IL1RAPL2: variants seen among roughly 807,000 people sequenced by gnomAD.
IL1RAPL2 encodes X-linked interleukin-1 receptor accessory protein-like 2.
A neutral mutation model predicts 44.1 loss-of-function variants in IL1RAPL2; 3 were observed. The ratio of observed to expected loss-of-function variants is 0.07; its 90% confidence interval spans 0.03 to 0.18. The LOEUF is 0.18. Ranked by LOEUF, IL1RAPL2 falls within the 10% of genes least tolerant of loss-of-function variation. The probability of loss-of-function intolerance (pLI) is 1.00; values close to 1 mark genes in which losing one functional copy is unlikely to be tolerated. For missense variants in IL1RAPL2, 391 were observed against 496.4 expected (o/e 0.79, Z 2.02); for synonymous variants, 181 against 178.8 (o/e 1.01, Z -0.10).
chrX:105,216,107 C>T (rs1202728284), intron 3 of IL1RAPL2, among the ~76,000 whole-genome samples: 4 of 111,026 alleles, frequency 3.6e-5, no homozygotes, highest in African/African-American at 9.8e-5. Flanking sequence ...AAGTTCTGGC[C>T]AGGGCAATCA....
intron 3 of IL1RAPL2, among the ~76,000 whole-genome samples, chrX:105,217,993 C>T (rs1165723129): frequency 9.0e-6 from 1 of 110,755 alleles, no homozygotes; most frequent in South Asian, 3.9e-4. Context: ...ATATCTAACA[C>T]ATGCGGAGCT....
At chrX:104,653,130 C>T (rs1930184091) in intron 1 of IL1RAPL2, among the ~76,000 whole-genome samples, 3 of 111,171 alleles carry the variant, frequency 2.7e-5, no homozygotes, top group African/African-American at 9.8e-5. Context: ...GGAGGCTTCT[C>T]CAAGCATCTC....
At chrX:105,155,487 G>T (rs2033261419) in intron 2 of IL1RAPL2, among the ~76,000 whole-genome samples, 1 of 111,122 alleles carries the variant, frequency 9.0e-6, no homozygotes, top group Non-Finnish European at 1.9e-5. Context: ...GGAAAAATGA[G>T]GTTGAAAATA....
intron 1 of IL1RAPL2, among the ~76,000 whole-genome samples, chrX:104,606,002 CAG>C (rs1197333105): frequency 9.0e-6 from 1 of 111,589 alleles, no homozygotes; most frequent in Non-Finnish European, 1.9e-5. Context: ...CAAAACCTGG[CAG>C]AGACAACAAT....
At chrX:104,673,662 G>T (rs1163497647) in intron 2 of IL1RAPL2, among the ~76,000 whole-genome samples, 1 of 110,913 alleles carries the variant, frequency 9.0e-6, no homozygotes, top group African/African-American at 3.3e-5. Flanking sequence ...GATGGGGATG[G>T]TATTGAATCT....
chrX:105,226,639 G>A (rs782382273), intron 3 of IL1RAPL2, among the ~76,000 whole-genome samples: 29 of 109,758 alleles, frequency 2.6e-4, no homozygotes, highest in African/African-American at 9.3e-4. Flanking sequence ...CTGTCCACAA[G>A]TGATCCACCC....
At chrX:105,692,260 T>C (rs2038041383) in intron 6 of IL1RAPL2, among the ~76,000 whole-genome samples, 2 of 111,594 alleles carry the variant, frequency 1.8e-5, no homozygotes, top group Admixed American at 1.9e-4. Context: ...CCCACAACTC[T>C]GAGATAGGCA....
chrX:105,135,179 C>A lies in IL1RAPL2; in HGVS notation c.83-60296C>A, dbSNP rs185897920. 3.6e-4 allele frequency among the ~76,000 whole-genome samples: 40 copies of A among 111,159 alleles called. 1 individual carries two copies. Among genetic ancestry groups the A allele is most frequent in the Admixed American group, 3.4e-3 (35 of 10,401 alleles). The stretch of plus-strand genomic sequence containing the variant: ...ATTTAATATGTATGCATTGCCAAAC[C>A]TTGTGGAATATACTAGCATGAGAAA... On this transcript the variant is annotated intron_variant, in intron 2 of 10. Transcript: ENST00000372582.
chrX:105,737,664 C>G (rs889578658), intron 7 of IL1RAPL2, among the ~76,000 whole-genome samples: 5 of 111,369 alleles, frequency 4.5e-5, no homozygotes, highest in African/African-American at 1.6e-4. Flanking sequence ...TATGGCTGCC[C>G]TCCATGTGAA....
At chrX:105,215,867 ATTATCT>A (rs1469597475) in intron 3 of IL1RAPL2, among the ~76,000 whole-genome samples, 1 of 111,839 alleles carries the variant, frequency 8.9e-6, no homozygotes, top group African/African-American at 3.3e-5. Flanking sequence ...AAACCACATG[ATTATCT>A]TAATATACAC....
At chrX:104,961,848 G>C (rs996094880) in intron 2 of IL1RAPL2, among the ~76,000 whole-genome samples, 1 of 112,111 alleles carries the variant, frequency 8.9e-6, no homozygotes, top group African/African-American at 3.2e-5. Flanking sequence ...ATGAATGAAT[G>C]AATGAATGAG....
chrX:105,751,821 TAC>T (rs1377238556), intron 9 of IL1RAPL2, among the ~76,000 whole-genome samples: 1 of 112,291 alleles, frequency 8.9e-6, no homozygotes, highest in Non-Finnish European at 1.9e-5. Context: ...TTTGGAAATC[TAC>T]AGTTACAGAA....
Position 105,118,063 on chromosome X carries a change from A to G in IL1RAPL2, c.83-77412A>G, listed in dbSNP as rs772847507. Among the ~76,000 whole-genome samples the G allele has an allele frequency of 4.4e-5, 5 of 112,516 alleles. No individual in the cohort carries two copies. The South Asian group carries it at 1.8e-3, about 41-fold the overall frequency. On this transcript the variant is annotated intron_variant, in intron 2 of 10. Transcript: ENST00000372582. ...TTGTTGCCTGACAGACTTGAAGTCAATGTTGGACCCATAAACCTCAACAAA... is the reference window on the plus strand; with the variant it reads ...TTGTTGCCTGACAGACTTGAAGTCAGTGTTGGACCCATAAACCTCAACAAA...
intron 2 of IL1RAPL2, among the ~76,000 whole-genome samples, chrX:104,979,670 T>C (rs192458018): frequency 1.2e-4 from 13 of 112,276 alleles, no homozygotes; most frequent in African/African-American, 4.2e-4. Context: ...TAAATGCAGA[T>C]TAAAATGAGT....
chrX:105,665,233 C>G (rs2037750328), intron 6 of IL1RAPL2, among the ~76,000 whole-genome samples: 1 of 111,174 alleles, frequency 9.0e-6, no homozygotes, highest in Admixed American at 9.6e-5. Context: ...TCAGTCAAGC[C>G]ATCAAGCATA....
At chrX:104,776,605 G>A (rs1395172931) in intron 2 of IL1RAPL2, among the ~76,000 whole-genome samples, 1 of 111,900 alleles carries the variant, frequency 8.9e-6, no homozygotes, top group Non-Finnish European at 1.9e-5. Flanking sequence ...AAGTGAGCAG[G>A]ACGAATAACA....
chrX:105,406,058 A>G, intron 5 of IL1RAPL2: 1 of 1,199,406 alleles, frequency 8.3e-7, no homozygotes, highest in Middle Eastern at 3.2e-4. Context: ...TTACAACTAC[A>G]CGCATTACTC....
chrX:104,899,161 C>A (rs770904634), intron 2 of IL1RAPL2, among the ~76,000 whole-genome samples: 13 of 111,466 alleles, frequency 1.2e-4, no homozygotes, highest in Non-Finnish European at 1.9e-4. Flanking sequence ...TTGGAGAGAG[C>A]TTTTTATGAT....
intron 6 of IL1RAPL2, among the ~76,000 whole-genome samples, chrX:105,508,198 T>G (rs2036444693): frequency 1.8e-5 from 2 of 111,126 alleles, no homozygotes; most frequent in African/African-American, 6.5e-5. Context: ...ATTATTATTA[T>G]TTAAAATTTC....
Sources: allele counts gnomAD v4.1 joint callset (sites outside exome capture counted in the v4.1 genomes callset), GRCh38; gene constraint gnomAD v4.1.1; transcripts MANE v1.5; gene names NCBI Gene and HGNC (gene_info 2026-07-23, HGNC 2026-07-21).